The following CFAP70 variants were observed in gnomAD, a reference collection of about 807,000 sequenced individuals.
CFAP70 encodes the protein cilia- and flagella-associated protein 70.
In CFAP70, 81 loss-of-function variants were observed where a neutral mutation model predicts 137.6. The ratio of observed to expected loss-of-function variants is 0.59; its 90% CI spans 0.49 to 0.71. The LOEUF (loss-of-function observed/expected upper bound fraction) is 0.71. Ranked by LOEUF, CFAP70 falls within the 30% of genes least tolerant of loss-of-function variation. The probability of loss-of-function intolerance (pLI) is 0.00; values close to 1 mark genes in which losing one functional copy is unlikely to be tolerated. For missense variants in CFAP70, 976 were observed against 1,226.7 expected (o/e 0.80, Z 3.05); for synonymous variants, 382 against 423.6 (o/e 0.90, Z 1.20).
intron 5 of CFAP70, among the ~76,000 whole-genome samples, chr10:73,342,848 G>A (rs1214499182): frequency 4.0e-5 from 6 of 151,822 alleles, no homozygotes; most frequent in African/African-American, 1.2e-4. Flanking sequence ...AGGCCGAGGC[G>A]GGCGGATCAC....
chr10:73,296,932 G>A, intron 15 of CFAP70, 110 bp downstream of exon 16: 1 of 1,330,024 alleles, frequency 7.5e-7, no homozygotes, highest in Non-Finnish European at 1.0e-6. Context: ...GCCTAGCACA[G>A]AGCAGACACT....
At chr10:73,272,511 G>A (rs1463787576) in intron 24 of CFAP70, among the ~76,000 whole-genome samples, 2 of 152,158 alleles carry the variant, frequency 1.3e-5, no homozygotes, top group Non-Finnish European at 2.9e-5. Context: ...AGGAGAAGCA[G>A]AGCAAAAGCT....
At chr10:73,347,523 T>C (rs966995467) in intron 4 of CFAP70, among the ~76,000 whole-genome samples, 2 of 152,176 alleles carry the variant, frequency 1.3e-5, no homozygotes, top group African/African-American at 2.4e-5. Context: ...TGAAGGAATA[T>C]ATATATGTCA....
At chr10:73,293,416 C>A in intron 15 of CFAP70, 28 bp from the exon 17 acceptor site, 1 of 1,541,602 alleles carries the variant, frequency 6.5e-7, no homozygotes, top group Non-Finnish European at 8.7e-7. Context: ...GTTAGGTAGA[C>A]AAAAATGAAA....
chr10:73,298,815 T>C, intron 14 of CFAP70, 92 bp downstream of exon 15: 1 of 1,189,526 alleles, frequency 8.4e-7, no homozygotes, highest in Non-Finnish European at 1.2e-6. Flanking sequence ...AGAGTATAGC[T>C]GAACATAATC....
At chr10:73,281,049 T>A in intron 19 of CFAP70, among the ~76,000 whole-genome samples, 1 of 152,334 alleles carries the variant, frequency 6.6e-6, no homozygotes, top group East Asian at 1.9e-4. Context: ...GCTATAAACT[T>A]CTCTCTAGAA....
intron 3 of CFAP70, among the ~76,000 whole-genome samples, chr10:73,350,351 C>G (rs2054088366): frequency 6.6e-6 from 1 of 152,152 alleles, no homozygotes; most frequent in Non-Finnish European, 1.5e-5. Flanking sequence ...TGTAACCTGA[C>G]AGATGAAAAT....
upstream of CFAP70, among the ~76,000 whole-genome samples, chr10:73,361,895 T>G (rs2132622929): frequency 6.6e-6 from 1 of 152,196 alleles, no homozygotes; most frequent in East Asian, 1.9e-4. Flanking sequence ...ATCTTAAAAT[T>G]CATATGGAAA....
intron 9 of CFAP70, among the ~76,000 whole-genome samples, chr10:73,314,537 T>A (rs1471206413): frequency 2.0e-5 from 3 of 152,224 alleles, no homozygotes; most frequent in African/African-American, 7.2e-5. Flanking sequence ...CTTCTTTCAC[T>A]TAGCATGTTT....
intron 1 of CFAP70, among the ~76,000 whole-genome samples, chr10:73,358,033 C>A (rs1039336672): frequency 1.3e-5 from 2 of 152,238 alleles, no homozygotes; most frequent in African/African-American, 4.8e-5. Flanking sequence ...CTCAGTTTCA[C>A]CTTCTGTAAA....
intron 24 of CFAP70, among the ~76,000 whole-genome samples, chr10:73,270,126 C>T (rs545430433): frequency 3.2e-4 from 49 of 152,206 alleles, no homozygotes; most frequent in African/African-American, 1.1e-3. Context: ...TTTTTCTTTA[C>T]ATTGTGCATC....
chr10:73,293,503 G>T (rs1342886334), intron 15 of CFAP70, 115 bp from the exon 17 acceptor site: 2 of 898,844 alleles, frequency 2.2e-6, no homozygotes, highest in South Asian at 2.2e-5. Flanking sequence ...GTTACTGATT[G>T]ATGTCTATAA....
intron 19 of CFAP70, among the ~76,000 whole-genome samples, chr10:73,284,607 C>T (rs534381891): frequency 8.2e-5 from 12 of 146,938 alleles, no homozygotes; most frequent in Admixed American, 5.5e-4. Flanking sequence ...GTGAATTATG[C>T]GAACATTTTT....
chr10:73,341,056 C>T (rs1042193124), intron 6 of CFAP70, among the ~76,000 whole-genome samples: 1 of 152,140 alleles, frequency 6.6e-6, no homozygotes, highest in Non-Finnish European at 1.5e-5. Flanking sequence ...GCCATCACTA[C>T]TAGGGTAATG....
chr10:73,341,381 T>C lies in CFAP70; in HGVS notation c.582+18A>G, dbSNP rs1042432049. 1 of 1,581,120 alleles carries C rather than the reference T, an allele frequency of 6.3e-7. No individual in the cohort carries two copies. The highest frequency in any genetic ancestry group is 8.6e-7 in the Non-Finnish European group (1 of 1,163,114). ...GTACACTAAGTTTATCACAAAAACC[T>C]GTATATCAGGCTCTCACCTCAGGAT... On this transcript the variant is annotated intron_variant, in intron 6 of 26. Coordinates refer to ENST00000310715, the Ensembl canonical transcript of CFAP70.
Position 73,291,253 on chromosome 10 carries a change from T to C in CFAP70, c.2212A>G (p.Thr738Ala), listed in dbSNP as rs1176103549. Residue 738 changes from threonine (T) to alanine (A), a missense_variant, in exon 19 of 27, where the codon ACA becomes GCA. Physicochemically the swap from Thr to Ala is moderately conservative, Grantham distance 58. Coordinates refer to ENST00000310715, the Ensembl canonical transcript of CFAP70. ...GCTGGGGCTTCCACCTTGATTGCTG[T>C]TGCAGAACCATTTGTGATTCCCCAA... 4 of 1,614,080 alleles carry C rather than the reference T, an allele frequency of 2.5e-6. 1 individual carries two copies. The highest frequency in any genetic ancestry group is 2.2e-5 in the East Asian group (1 of 44,888).
chr10:73,253,916 T>C (rs1043471508), exon 27 of CFAP70: 2 of 1,394,344 alleles, frequency 1.4e-6, no homozygotes, highest in African/African-American at 2.8e-5. Flanking sequence ...ACGGTAAAAC[T>C]CTCTGGGAAG....
chr10:73,351,481 T>G (rs553913196), intron 3 of CFAP70, among the ~76,000 whole-genome samples: 7 of 152,222 alleles, frequency 4.6e-5, no homozygotes, highest in African/African-American at 1.7e-4. Flanking sequence ...TCACTCAGGC[T>G]GGAGTGCAGT....
chr10:73,312,042 C>T (rs560646008), intron 10 of CFAP70, 128 bp from the exon 12 acceptor site: 2 of 721,836 alleles, frequency 2.8e-6, no homozygotes, highest in South Asian at 3.5e-5. Flanking sequence ...GAGTTTGTGT[C>T]CTTTGCAGGG....
Sources: allele counts gnomAD v4.1 joint callset (sites outside exome capture counted in the v4.1 genomes callset), GRCh38; gene constraint gnomAD v4.1.1; transcripts MANE v1.5; gene names NCBI Gene and HGNC (gene_info 2026-07-23, HGNC 2026-07-21).